The following EEFSEC variants were observed in gnomAD, a reference collection of about 807,000 sequenced individuals.
EEFSEC encodes selenocysteine-specific elongation factor.
A neutral mutation model predicts 42.1 loss-of-function variants in EEFSEC; 43 were observed. The observed-to-expected ratio is 1.02, with a 90% CI of 0.80 to 1.32. The LOEUF is 1.32. Among genes scored for constraint, EEFSEC ranks in the 40% most tolerant of loss-of-function variants. The pLI is 0.00. For missense variants in EEFSEC, 745 were observed against 803.6 expected, an observed-to-expected ratio of 0.93 and a Z score of 0.88; for synonymous variants, 354 against 339.1, an observed-to-expected ratio of 1.04 and a Z score of -0.48.
At chr3:128,313,987 G>A (rs921931173) in intron 4 of EEFSEC, among the ~76,000 whole-genome samples, 1 of 152,170 alleles carries the variant, frequency 6.6e-6, no homozygotes, top group African/African-American at 2.4e-5. Context: ...GCCCTACCCA[G>A]TGTGCTACCC....
intron 4 of EEFSEC, among the ~76,000 whole-genome samples, chr3:128,278,377 C>G (rs1236720523): frequency 6.6e-6 from 1 of 152,220 alleles, no homozygotes; most frequent in Non-Finnish European, 1.5e-5. Context: ...CCCCAGATCT[C>G]TGGCTTCAGT....
chr3:128,293,660 CAAAAAA>C (rs759485696), intron 4 of EEFSEC, among the ~76,000 whole-genome samples: 26 of 14,146 alleles, frequency 1.8e-3, no homozygotes, highest in South Asian at 3.6e-3. Context: ...GACTCTATCT[CAAAAAA>C]AAAAAAAAAA....
chr3:128,300,691 G>A (rs2066757476), intron 4 of EEFSEC, among the ~76,000 whole-genome samples: 1 of 152,038 alleles, frequency 6.6e-6, no homozygotes, highest in Admixed American at 6.5e-5. Context: ...TAATTTAGTA[G>A]CTTAAAACAA....
intron 3 of EEFSEC, among the ~76,000 whole-genome samples, chr3:128,263,201 G>A (rs1012868385): frequency 1.3e-5 from 2 of 152,178 alleles, no homozygotes; most frequent in African/African-American, 4.8e-5. Context: ...ACTCAGGGAG[G>A]CTGAAATTAT....
chr3:128,263,820 G>A (rs2066323479), intron 3 of EEFSEC, among the ~76,000 whole-genome samples: 1 of 152,256 alleles, frequency 6.6e-6, no homozygotes, highest in South Asian at 2.1e-4. Flanking sequence ...GGTGGCATGA[G>A]GAGAATCGGC....
intron 4 of EEFSEC, among the ~76,000 whole-genome samples, chr3:128,310,202 C>A (rs1426899345): frequency 1.3e-5 from 2 of 152,110 alleles, no homozygotes; most frequent in African/African-American, 4.8e-5. Context: ...TAGTGATGAG[C>A]CTTTTGGCAA....
In EEFSEC at chr3:128,328,978, G is replaced by A. The variant is rs893301756; in HGVS notation, c.787-12255G>A. On this transcript the variant is annotated intron_variant, in intron 4 of 6. Transcript: ENST00000254730. ...CCCTGTGTCTCAGGAGGCTCGCAGTGGCAGCTCAATTGGATGACTGAGTCC... is the reference window on the plus strand; with the variant it reads ...CCCTGTGTCTCAGGAGGCTCGCAGTAGCAGCTCAATTGGATGACTGAGTCC... 2.0e-5 allele frequency among the ~76,000 whole-genome samples: 3 copies of A among 152,184 alleles called. No individual in the cohort carries two copies. In the East Asian group the frequency reaches 5.8e-4, roughly 29 times the overall value.
chr3:128,186,525 A>G (rs915727005), intron 1 of EEFSEC, among the ~76,000 whole-genome samples: 3 of 152,208 alleles, frequency 2.0e-5, no homozygotes, highest in South Asian at 2.1e-4. Context: ...ATGCATACCT[A>G]TGTTTTCTTC....
At chr3:128,300,121 G>A (rs754462753) in intron 4 of EEFSEC, among the ~76,000 whole-genome samples, 15 of 152,212 alleles carry the variant, frequency 9.9e-5, no homozygotes, top group African/African-American at 1.9e-4. Context: ...AAGTCTGGGT[G>A]TGCTAGAACT....
At position 128,264,670 on chromosome 3, in the gene EEFSEC, C is replaced by T. The variant is rs1391119159; in HGVS notation, c.675C>T (p.Leu225=). Residue 225 remains leucine (L), a synonymous_variant, in exon 4 of 7, where the codon CTC becomes CTT. Transcript: ENST00000254730. ...CGAGAGATCCCTCGGGACCGTTCCT[C>T]ATGTCTGTGGACCACTGTTTCTCCA... The part of the protein sequence containing the change: ...IPTRDPSGPF[L]MSVDHCFSIK... 1.2e-6 allele frequency: 2 copies of T among 1,614,144 alleles called. No individual in the cohort carries two copies. Among genetic ancestry groups the T allele is most frequent in the Non-Finnish European group, 1.7e-6 (2 of 1,180,000 alleles).
At chr3:128,344,887 G>A (rs1278360313) in intron 5 of EEFSEC, among the ~76,000 whole-genome samples, 1 of 152,200 alleles carries the variant, frequency 6.6e-6, no homozygotes, top group Non-Finnish European at 1.5e-5. Flanking sequence ...ACTCTCATCA[G>A]GTGAAGCAAG....
chr3:128,344,007 C>T (rs1233458833), intron 5 of EEFSEC, among the ~76,000 whole-genome samples: 2 of 152,218 alleles, frequency 1.3e-5, no homozygotes, highest in Non-Finnish European at 2.9e-5. Context: ...ATCCTATGAG[C>T]CCAGGGCTTT....
intron 2 of EEFSEC, among the ~76,000 whole-genome samples, chr3:128,261,348 T>C (rs940408238): frequency 1.3e-5 from 2 of 152,216 alleles, no homozygotes; most frequent in Non-Finnish European, 2.9e-5. Flanking sequence ...GGCTCAGCCA[T>C]GTAAGTTGTT....
chr3:128,172,167 C>G (rs2107777691), intron 1 of EEFSEC, among the ~76,000 whole-genome samples: 1 of 152,328 alleles, frequency 6.6e-6, no homozygotes, highest in East Asian at 1.9e-4. Flanking sequence ...TCATATCTTT[C>G]TGCTCTCTCT....
At chr3:128,260,994 G>A (rs1412803327) in intron 2 of EEFSEC, among the ~76,000 whole-genome samples, 4 of 150,044 alleles carry the variant, frequency 2.7e-5, no homozygotes, top group South Asian at 4.2e-4. Context: ...ATTCATGCCC[G>A]CTGACATGTT....
intron 2 of EEFSEC, among the ~76,000 whole-genome samples, chr3:128,253,761 G>A (rs920345895): frequency 2.6e-5 from 4 of 151,946 alleles, no homozygotes; most frequent in African/African-American, 7.3e-5. Flanking sequence ...CCTAAGCCCC[G>A]CTACTTCTGT....
intron 1 of EEFSEC, among the ~76,000 whole-genome samples, chr3:128,241,415 GC>G (rs1198549918): frequency 6.6e-6 from 1 of 151,954 alleles, no homozygotes; most frequent in Non-Finnish European, 1.5e-5. Context: ...TCACCATGTT[GC>G]CCCATGCTGG....
chr3:128,264,827 A>AG (rs2066336416), intron 4 of EEFSEC, 46 bp downstream of exon 4: 1 of 1,585,870 alleles, frequency 6.3e-7, no homozygotes, highest in African/African-American at 1.3e-5. Context: ...GCTGGCAGCA[A>AG]GGGAGGGGGA....
At chr3:128,166,295 A>G (rs1377087341) in intron 1 of EEFSEC, among the ~76,000 whole-genome samples, 1 of 152,210 alleles carries the variant, frequency 6.6e-6, no homozygotes, top group Non-Finnish European at 1.5e-5. Flanking sequence ...AAATCTCTGC[A>G]GTGGCTTGAT....
Sources: allele counts gnomAD v4.1 joint callset (sites outside exome capture counted in the v4.1 genomes callset), GRCh38; gene constraint gnomAD v4.1.1; transcripts MANE v1.5; gene names NCBI Gene and HGNC (gene_info 2026-07-23, HGNC 2026-07-21).